The following TLR4 variants were observed in gnomAD, a reference collection of about 807,000 sequenced individuals.
TLR4 encodes toll-like receptor 4.
A neutral mutation model predicts 27.4 loss-of-function variants in TLR4; 17 were observed. That is an observed-to-expected ratio of 0.62 (90% CI 0.42 to 0.93). TLR4 has a LOEUF of 0.93. Ranked by LOEUF, TLR4 falls within the 40% of genes least tolerant of loss-of-function variation. The pLI is 0.00. For synonymous variants in TLR4, 363 were observed against 365.7 expected (o/e 0.99, Z 0.08); for missense variants, 926 against 962.3 (o/e 0.96, Z 0.50).
intron 2 of TLR4, among the ~76,000 whole-genome samples, chr9:117,711,926 G>T (rs866572604): frequency 6.6e-6 from 1 of 151,982 alleles, no homozygotes; most frequent in African/African-American, 2.4e-5. Context: ...GTAATTTTTC[G>T]TATCTCTGAA....
chr9:117,716,638 TC>T lies in TLR4; in HGVS notation c.*1991del, dbSNP rs1829352872. On this transcript the variant is annotated 3_prime_UTR_variant, in exon 3 of 3. Transcript: ENST00000355622. The stretch of plus-strand genomic sequence containing the variant: ...ATGCAAGATGAATTAGCTCTAAAGA[TC>T]AGCTGTATAGCAGAGTTCGTATAAT... 6.6e-6 allele frequency: 1 copy of T among 152,298 alleles called. No homozygotes were observed. Among genetic ancestry groups the T allele is most frequent in the South Asian group, 2.1e-4 (1 of 4,828 alleles). The allele number at this position is 152,298 out of a possible 1,614,324, so 9.4% of individuals were successfully genotyped here.
intron 1 of TLR4, chr9:117,708,254 C>G (rs1399154065): frequency 5.3e-6 from 6 of 1,137,006 alleles, no homozygotes; most frequent in Non-Finnish European, 6.5e-6. Context: ...TTTCAGACTC[C>G]GGAGCCTCAG....
rs571114669 is a variant in TLR4, at chr9:117,714,918, C to T, written c.*270C>T. On this transcript the variant is annotated 3_prime_UTR_variant, in exon 3 of 3. Transcript: ENST00000355622. ...CAAAGAAAGTCATTTCAACTCTTACCTCATCAAGTTGAATAAAGACAGAGA... is the reference window on the plus strand; with the variant it reads ...CAAAGAAAGTCATTTCAACTCTTACTTCATCAAGTTGAATAAAGACAGAGA... 1 of 506,126 alleles carries T rather than the reference C, an allele frequency of 2.0e-6. No homozygotes were observed. The highest frequency in any genetic ancestry group is 3.6e-6 in the Non-Finnish European group (1 of 279,628). 31.4% of individuals were successfully genotyped at this position (506,126 alleles called of 1,614,324 possible).
chr9:117,709,146 C>T (rs542180966), intron 2 of TLR4, among the ~76,000 whole-genome samples: 7 of 152,144 alleles, frequency 4.6e-5, no homozygotes, highest in South Asian at 2.1e-4. Flanking sequence ...ACCTTAAAGT[C>T]CTGGGTATGG....
Position 117,714,274 on chromosome 9 carries a change from G to A in TLR4, c.2146G>A (p.Val716Met), listed in dbSNP as rs1382563975. The change falls in exon 3 of 3, where the codon GTG becomes ATG. Residue 716 changes from valine to methionine, a missense_variant. Val to Met is a conservative substitution (Grantham distance 21). Coordinates refer to ENST00000355622, the MANE Select transcript of TLR4 (RefSeq NM_138554.5). ...TCACTACAGAGACTTTATTCCCGGTGTGGCCATTGCTGCCAACATCATCCA... is the reference window on the plus strand; with the variant it reads ...TCACTACAGAGACTTTATTCCCGGTATGGCCATTGCTGCCAACATCATCCA... ...CLHYRDFIPGVAIAANIIHEG... is the reference protein window; with the variant it reads ...CLHYRDFIPGMAIAANIIHEG... 6.3e-7 allele frequency: 1 copy of A among 1,595,186 alleles called. No homozygotes were observed. The highest frequency in any genetic ancestry group is 1.7e-5 in the Admixed American group (1 of 59,242).
chr9:117,712,393 GA>G lies in TLR4; in HGVS notation c.268del (p.Ile90SerfsTer12). On this transcript the variant is annotated frameshift_variant, in exon 3 of 3. Coordinates refer to ENST00000355622, the MANE Select transcript of TLR4 (RefSeq NM_138554.5). LOFTEE classifies it low-confidence loss of function (END_TRUNC). Reference protein sequence around the residue: ...ELQVLDLSRCEIQTIEDGAYQ... With the variant: ...ELQVLDLSRCXIQTIEDGAYQ... ...AATGTCTTTTTATTCCTGTAGGTGT[GA>G]AATCCAGACAATTGAAGATGGGGCA... 6.2e-7 allele frequency: 1 copy of G among 1,613,580 alleles called. No individual in the cohort carries two copies.
In TLR4 at chr9:117,713,679, C is replaced by T. The variant is rs112999435; in HGVS notation, c.1551C>T (p.Asn517=). 8.7e-5 allele frequency: 141 copies of T among 1,614,020 alleles called. No individual in the cohort carries two copies. In the African/African-American group the frequency reaches 1.5e-3, roughly 17 times the overall value. The stretch of plus-strand genomic sequence containing the variant: ...AGCAGTTGTCTCCAACAGCATTTAA[C>T]TCACTCTCCAGTCTTCAGGTACTAA... The part of the protein sequence containing the change: ...QLEQLSPTAF[N]SLSSLQVLNM... Residue 517 remains asparagine (N), a synonymous_variant, in exon 3 of 3, where the codon AAC becomes AAT. Transcript: ENST00000355622.
intron 1 of TLR4, among the ~76,000 whole-genome samples, chr9:117,707,112 CAGA>C (rs1452540756): frequency 6.6e-6 from 1 of 152,134 alleles, no homozygotes; most frequent in African/African-American, 2.4e-5. Flanking sequence ...TGAGAACAAT[CAGA>C]TAGACAACAT....
Position 117,714,985 on chromosome 9 carries a change from G to A in TLR4, c.*337G>A, listed in dbSNP as rs1397637598. 2 of 347,616 alleles carry A rather than the reference G, an allele frequency of 5.8e-6. No individual in the cohort carries two copies. The highest frequency in any genetic ancestry group is 1.1e-5 in the Non-Finnish European group (2 of 183,604). 21.5% of individuals were successfully genotyped at this position (347,616 alleles called of 1,614,324 possible). A position where few individuals can be genotyped will look rare whatever the true frequency, so the allele number is the denominator to read the frequency against. On this transcript the variant is annotated 3_prime_UTR_variant, in exon 3 of 3. Transcript: ENST00000355622. ...TGTTCTTTTCCTGAGTCTTTTGAAT[G>A]GAAATTGTATTATGTTATAGCCATC...
chr9:117,714,202 C>A lies in TLR4; in HGVS notation c.2074C>A (p.Leu692Ile). 1 of 1,609,104 alleles carries A rather than the reference C, an allele frequency of 6.2e-7. No homozygotes were observed. Among genetic ancestry groups the A allele is most frequent in the East Asian group, 2.2e-5 (1 of 44,710 alleles). The change falls in exon 3 of 3, where the codon CTA becomes ATA. Residue 692 changes from leucine (L) to isoleucine (I), a missense_variant. Coordinates refer to ENST00000355622, the MANE Select transcript of TLR4 (RefSeq NM_138554.5). ...SQDEDWVRNELVKNLEEGVPP... is the reference protein window; with the variant it reads ...SQDEDWVRNEIVKNLEEGVPP... ...GGATGAGGACTGGGTAAGGAATGAG[C>A]TAGTAAAGAATTTAGAAGAAGGGGT...
intron 2 of TLR4, 37 bp from the exon 3 acceptor site, chr9:117,712,352 G>T: frequency 6.3e-7 from 1 of 1,587,046 alleles, no homozygotes; most frequent in Non-Finnish European, 8.6e-7. Flanking sequence ...TTATTCAGCA[G>T]AAATATTAGA....
chr9:117,712,522 G>T lies in TLR4; in HGVS notation c.394G>T (p.Val132Leu), dbSNP rs769767782. ...FSGLSSLQKL[V>L]AVETNLASLE... ...TGGACTATCAAGTTTACAGAAGCTG[G>T]TGGCTGTGGAGACAAATCTAGCATC... The change falls in exon 3 of 3, where the codon GTG becomes TTG. Residue 132 changes from valine to leucine, a missense_variant. Physicochemically the swap from Val to Leu is conservative, Grantham distance 32. Transcript: ENST00000355622. 2.0e-5 allele frequency: 33 copies of T among 1,613,988 alleles called. No homozygotes were observed. The highest frequency in any genetic ancestry group is 2.7e-5 in the Non-Finnish European group (32 of 1,179,952).
chr9:117,704,608 T>C (rs1829105182), intron 1 of TLR4, 43 bp downstream of exon 1: 1 of 1,536,286 alleles, frequency 6.5e-7, no homozygotes, highest in African/African-American at 1.4e-5. Context: ...CCCTCACTTC[T>C]GCCCAGAACT....
At chr9:117,707,777 A>G (rs1053093549) in intron 1 of TLR4, among the ~76,000 whole-genome samples, 2 of 152,242 alleles carry the variant, frequency 1.3e-5, no homozygotes, top group Non-Finnish European at 2.9e-5. Context: ...TGAGCCAAGA[A>G]AAAGAATGCA....
chr9:117,717,997 A>G lies in TLR4; in HGVS notation c.*3349A>G, dbSNP rs890314720. Reference sequence around the variant, plus strand: ...GGGATAAAGGGTGGAATAAGGATAAATTAATGCCAATTGTAATGCCTTAAA... The same window carrying G: ...GGGATAAAGGGTGGAATAAGGATAAGTTAATGCCAATTGTAATGCCTTAAA... On this transcript the variant is annotated 3_prime_UTR_variant, in exon 3 of 3. Transcript: ENST00000355622. 2 of 152,204 alleles carry G rather than the reference A, an allele frequency of 1.3e-5. No individual in the cohort carries two copies. Among genetic ancestry groups the G allele is most frequent in the African/African-American group, 4.8e-5 (2 of 41,446 alleles). 9.4% of individuals were successfully genotyped at this position (152,204 alleles called of 1,614,324 possible). A position where few individuals can be genotyped will look rare whatever the true frequency, so the allele number is the denominator to read the frequency against.
In TLR4 at chr9:117,713,424, C is replaced by T; in HGVS notation, c.1296C>T (p.Ser432=). 2 of 1,614,032 alleles carry T rather than the reference C, an allele frequency of 1.2e-6. No homozygotes were observed. Among genetic ancestry groups the T allele is most frequent in the Non-Finnish European group, 1.7e-6 (2 of 1,179,956 alleles). ...EQLEHLDFQH[S]NLKQMSEFSV... is the part of the protein sequence containing the mutation. Reference sequence around the variant, plus strand: ...TAGAACATCTGGATTTCCAGCATTCCAATTTGAAACAAATGAGTGAGTTTT... The same window carrying T: ...TAGAACATCTGGATTTCCAGCATTCTAATTTGAAACAAATGAGTGAGTTTT... The change falls in exon 3 of 3, where the codon TCC becomes TCT. Residue 432 remains serine (S), a synonymous_variant. Transcript: ENST00000355622.
rs555365374 is a variant in TLR4, at chr9:117,712,867, A to G, written c.739A>G (p.Ile247Val). The stretch of plus-strand genomic sequence containing the variant: ...TAGTTTAAATGTAATGAAAACTTGT[A>G]TTCAAGGTCTGGCTGGTTTAGAAGT... The part of the protein sequence containing the change: ...FDSLNVMKTC[I>V]QGLAGLEVHR... Residue 247 changes from isoleucine to valine, a missense_variant, in exon 3 of 3, where the codon ATT becomes GTT. Coordinates refer to ENST00000355622, the MANE Select transcript of TLR4 (RefSeq NM_138554.5). The G allele has an allele frequency of 6.2e-7, 1 of 1,614,078 alleles. No individual in the cohort carries two copies. Among genetic ancestry groups the G allele is most frequent in the East Asian group, 2.2e-5 (1 of 44,864 alleles).
intron 2 of TLR4, among the ~76,000 whole-genome samples, chr9:117,710,021 T>G (rs927632103): frequency 1.3e-5 from 2 of 152,078 alleles, no homozygotes; most frequent in African/African-American, 4.8e-5. Context: ...TAAATTTTTA[T>G]AAAATATATT....
chr9:117,709,595 C>G lies in TLR4; in HGVS notation c.260+866C>G, dbSNP rs191964436. 3.0e-3 allele frequency among the ~76,000 whole-genome samples: 453 copies of G among 152,078 alleles called. 3 individuals are homozygous for G. Among genetic ancestry groups the G allele is most frequent in the Non-Finnish European group, 3.3e-3 (221 of 67,972 alleles). On this transcript the variant is annotated intron_variant, in intron 2 of 2. Coordinates refer to ENST00000355622, the MANE Select transcript of TLR4 (RefSeq NM_138554.5). ...CATCATCGGGGCCTTATTTGCAAAT[C>G]GAACTAGATAATGGATCATGTTCTC...
Sources: gnomAD v4.1 joint callset for allele counts (sites outside exome capture counted in the v4.1 genomes callset) on GRCh38, gnomAD v4.1.1 for gene constraint, MANE v1.5 for transcripts, NCBI Gene and HGNC (gene_info 2026-07-23, HGNC 2026-07-21) for gene names.